DNAJB6: variants seen among roughly 807,000 people sequenced by gnomAD.
The protein encoded by DNAJB6 is DnaJ heat shock protein family (Hsp40) member B6.
In DNAJB6, 16 loss-of-function variants were observed where a neutral mutation model predicts 42.7. The ratio of observed to expected loss-of-function variants is 0.37; its 90% CI spans 0.25 to 0.57. The LOEUF (loss-of-function observed/expected upper bound fraction) is 0.57, where lower values mean the gene tolerates loss of function less well. DNAJB6 is among the 20% of genes least tolerant of loss of function. DNAJB6 has a pLI of 0.74. For missense variants in DNAJB6, 347 were observed against 416.8 expected, an observed-to-expected ratio of 0.83 and a Z score of 1.46; for synonymous variants, 170 against 163.5, an observed-to-expected ratio of 1.04 and a Z score of -0.30.
chr7:157,358,482 A>G, intron 1 of DNAJB6, 65 bp from the exon 2 acceptor site: 8 of 1,068,476 alleles, frequency 7.5e-6, no homozygotes, highest in Admixed American at 1.8e-5. Context: ...CTCCAGACCC[A>G]TCCCACCACC....
chr7:157,356,940 A>C (rs1034637983), intron 1 of DNAJB6, among the ~76,000 whole-genome samples: 1 of 152,070 alleles, frequency 6.6e-6, no homozygotes, highest in East Asian at 1.9e-4. Flanking sequence ...GTTTATATAC[A>C]TCTAAATAGA....
At chr7:157,378,246 G>A (rs1423178054) in intron 5 of DNAJB6, 1 of 152,106 alleles carries the variant, frequency 6.6e-6, no homozygotes, top group Non-Finnish European at 1.5e-5. Context: ...TTTCTGGTGA[G>A]GTAAAGTAAA....
chr7:157,364,597 G>T (rs1354688444), intron 3 of DNAJB6, among the ~76,000 whole-genome samples: 2 of 152,208 alleles, frequency 1.3e-5, no homozygotes, highest in African/African-American at 4.8e-5. Context: ...AGTGACAGAG[G>T]AGGGCACAGG....
At chr7:157,409,546 C>T (rs559153032) in intron 8 of DNAJB6, among the ~76,000 whole-genome samples, 1 of 152,302 alleles carries the variant, frequency 6.6e-6, no homozygotes, top group East Asian at 1.9e-4. Context: ...GCTGGTGGGG[C>T]GGGGAGCCGC....
intron 8 of DNAJB6, among the ~76,000 whole-genome samples, chr7:157,403,777 C>T (rs376559610): frequency 1.2e-4 from 18 of 152,256 alleles, no homozygotes; most frequent in African/African-American, 4.3e-4. Context: ...AAATTAGCAA[C>T]CAAAGAGAGC....
chr7:157,357,053 C>T (rs1048426942), intron 1 of DNAJB6, among the ~76,000 whole-genome samples: 3 of 150,012 alleles, frequency 2.0e-5, no homozygotes, highest in Non-Finnish European at 4.4e-5. Flanking sequence ...AGTCCCAGCA[C>T]TTTGGGAGGC....
chr7:157,378,992 G>A (rs946970769), intron 5 of DNAJB6: 3 of 152,086 alleles, frequency 2.0e-5, no homozygotes, highest in Non-Finnish European at 4.4e-5. Flanking sequence ...GAAATTATAC[G>A]AGTTAAAATT....
intron 8 of DNAJB6, among the ~76,000 whole-genome samples, chr7:157,402,768 C>T (rs1391753130): frequency 6.6e-6 from 1 of 152,182 alleles, no homozygotes; most frequent in Non-Finnish European, 1.5e-5. Context: ...TAAAGTAAGC[C>T]ACTCTTTGGC....
At chr7:157,410,100 C>G in intron 9 of DNAJB6, 99 bp downstream of exon 9, 1 of 1,438,716 alleles carries the variant, frequency 7.0e-7, no homozygotes, top group East Asian at 2.6e-5. Flanking sequence ...CTGCTGTGTT[C>G]TGACCTGAGC....
intron 1 of DNAJB6, among the ~76,000 whole-genome samples, chr7:157,357,207 CTGT>C (rs1242981804): frequency 1.6e-5 from 2 of 124,508 alleles, no homozygotes; most frequent in Admixed American, 8.5e-5. Context: ...CTTTGTGATA[CTGT>C]TGTCCTTCCT....
intron 8 of DNAJB6, among the ~76,000 whole-genome samples, chr7:157,388,358 G>A (rs923875683): frequency 6.6e-6 from 1 of 152,184 alleles, no homozygotes; most frequent in African/African-American, 2.4e-5. Flanking sequence ...CATCACTCAA[G>A]TAAGTGATGG....
intron 5 of DNAJB6, among the ~76,000 whole-genome samples, chr7:157,370,008 A>C (rs920525689): frequency 1.4e-5 from 2 of 146,356 alleles, no homozygotes; most frequent in Non-Finnish European, 3.0e-5. Flanking sequence ...TCTTAACATT[A>C]TTATTAAAGA....
At chr7:157,353,621 G>GTA (rs367971965) in intron 1 of DNAJB6, among the ~76,000 whole-genome samples, 2 of 146,008 alleles carry the variant, frequency 1.4e-5, no homozygotes, top group African/African-American at 2.6e-5. Context: ...GTGTGTGTGT[G>GTA]TATGTATTTT....
intron 8 of DNAJB6, among the ~76,000 whole-genome samples, chr7:157,400,622 G>A (rs1801816895): frequency 6.6e-6 from 1 of 152,236 alleles, no homozygotes; most frequent in Non-Finnish European, 1.5e-5. Context: ...GCCGCTGGTG[G>A]TCTATGTCTC....
chr7:157,411,885 CATACACCGTTTCTGAGTGGGGAG>C (rs1224341682), intron 9 of DNAJB6: 1 of 152,222 alleles, frequency 6.6e-6, no homozygotes, highest in Non-Finnish European at 1.5e-5. Flanking sequence ...GCTTCCCCGC[CATACACCGTTTCTGAGTGGGGAG>C]AACTGGTTGA....
chr7:157,338,455 T>C (rs865987510), intron 1 of DNAJB6, among the ~76,000 whole-genome samples: 8 of 152,152 alleles, frequency 5.3e-5, no homozygotes, highest in Middle Eastern at 6.8e-3. Flanking sequence ...TGCCTCAGCC[T>C]CCTGAGTAGC....
intron 1 of DNAJB6, among the ~76,000 whole-genome samples, chr7:157,348,521 TC>T (rs1389735723): frequency 6.6e-6 from 1 of 152,212 alleles, no homozygotes; most frequent in Non-Finnish European, 1.5e-5. Flanking sequence ...CTAAACAGTT[TC>T]CTAAATAGCT....
At position 157,340,641 on chromosome 7, in the gene DNAJB6, T is replaced by C. The variant is rs76805182; in HGVS notation, c.-27+3497T>C. The stretch of plus-strand genomic sequence containing the variant: ...GACCTGTTTCATGTTCCTGGAGATA[T>C]CCTACTTGAGAAGGAATATTGATTG... On this transcript the variant is annotated intron_variant, in intron 1 of 9. Transcript: ENST00000262177. Among the ~76,000 whole-genome samples, 290 of 152,246 alleles carry C rather than the reference T, an allele frequency of 1.9e-3. 1 individual carries two copies. The highest frequency in any genetic ancestry group is 6.8e-3 in the African/African-American group (283 of 41,534).
chr7:157,365,327 C>G (rs938816253), intron 3 of DNAJB6, among the ~76,000 whole-genome samples: 2 of 152,192 alleles, frequency 1.3e-5, no homozygotes, highest in Non-Finnish European at 2.9e-5. Flanking sequence ...TGTTTTTGTT[C>G]TGGGATATAA....
Sources: allele counts gnomAD v4.1 joint callset (sites outside exome capture counted in the v4.1 genomes callset), GRCh38; gene constraint gnomAD v4.1.1; transcripts MANE v1.5; gene names NCBI Gene and HGNC (gene_info 2026-07-23, HGNC 2026-07-21).